CMSS1: variants seen among roughly 807,000 people sequenced by gnomAD.
CMSS1 encodes the protein cms1 ribosomal small subunit homolog.
A neutral mutation model predicts 43.5 loss-of-function variants in CMSS1; 33 were observed. The ratio of observed to expected loss-of-function variants is 0.76; its 90% confidence interval spans 0.57 to 1.01. The LOEUF (loss-of-function observed/expected upper bound fraction) is 1.01. Among genes scored for constraint, CMSS1 ranks in the 50% least tolerant of loss-of-function variants. CMSS1 has a pLI of 0.00. For synonymous variants in CMSS1, 115 were observed against 117.2 expected (o/e 0.98, Z 0.12); for missense variants, 313 against 326.4 (o/e 0.96, Z 0.32).
chr3:99,885,923 A>G (rs570229195), intron 1 of CMSS1, among the ~76,000 whole-genome samples: 1 of 152,392 alleles, frequency 6.6e-6, no homozygotes, highest in South Asian at 2.1e-4. Context: ...GTATCTTTTC[A>G]GCGAGTCATG....
chr3:100,099,526 G>T (rs368404237), intron 1 of CMSS1, among the ~76,000 whole-genome samples: 1 of 152,032 alleles, frequency 6.6e-6, no homozygotes, highest in Non-Finnish European at 1.5e-5. Flanking sequence ...TATTTGTATC[G>T]GTCTAATTAT....
chr3:99,986,271 C>T (rs1709339626), intron 1 of CMSS1, among the ~76,000 whole-genome samples: 2 of 152,066 alleles, frequency 1.3e-5, no homozygotes, highest in South Asian at 4.1e-4. Flanking sequence ...TGGGATATGT[C>T]CCAGGAACAG....
chr3:99,991,836 A>G (rs112565081), intron 1 of CMSS1, among the ~76,000 whole-genome samples: 4,966 of 143,434 alleles, frequency 0.035, 270 homozygotes, highest in African/African-American at 0.12. Flanking sequence ...ATATATATAT[A>G]TGTGTGTGTG....
intron 1 of CMSS1, among the ~76,000 whole-genome samples, chr3:99,966,348 C>A (rs951828093): frequency 6.6e-6 from 1 of 152,098 alleles, no homozygotes; most frequent in Non-Finnish European, 1.5e-5. Flanking sequence ...TCTTTCATAG[C>A]CCCACTGCTC....
At chr3:99,855,284 C>T (rs961983841) in intron 1 of CMSS1, among the ~76,000 whole-genome samples, 4 of 152,086 alleles carry the variant, frequency 2.6e-5, no homozygotes, top group Admixed American at 6.6e-5. Context: ...AAATGCATAC[C>T]ATAGTTGGTG....
chr3:100,160,594 C>G, intron 3 of CMSS1, 93 bp downstream of exon 3: 1 of 649,122 alleles, frequency 1.5e-6, no homozygotes, highest in African/African-American at 1.8e-5. Flanking sequence ...TATTGTAATC[C>G]CCACCTAAGA....
chr3:99,913,701 T>C (rs771325635), intron 1 of CMSS1, among the ~76,000 whole-genome samples: 2 of 152,212 alleles, frequency 1.3e-5, no homozygotes, highest in African/African-American at 2.4e-5. Context: ...TGGATTATCT[T>C]TGAGGAGTAG....
At chr3:99,862,045 G>A (rs990566154) in intron 1 of CMSS1, among the ~76,000 whole-genome samples, 3 of 152,202 alleles carry the variant, frequency 2.0e-5, no homozygotes, top group Non-Finnish European at 4.4e-5. Flanking sequence ...CTCATTAGAA[G>A]TAGGATGGTG....
rs199807411 is a variant in CMSS1 at position 100,162,329 on chromosome 3, A to T, written c.252A>T (p.Lys84Asn). The change falls in exon 4 of 10, where the codon AAA (lysine) becomes AAT (asparagine). Residue 84 changes from lysine to asparagine, a missense_variant. Coordinates refer to ENST00000421999, the MANE Select transcript of CMSS1 (RefSeq NM_032359.4). Reference sequence around the variant, plus strand: ...AGAAAATTACTGATGTTCTTGCAAAATCAGAACCAAAACCAGGGTTACCTG... The same window carrying T: ...AGAAAATTACTGATGTTCTTGCAAATTCAGAACCAAAACCAGGGTTACCTG... ...RKKKITDVLA[K>N]SEPKPGLPED... is the part of the protein sequence containing the mutation. 1.1e-4 allele frequency: 178 copies of T among 1,612,168 alleles called. 2 individuals carry two copies. The highest frequency in any genetic ancestry group is 1.3e-4 in the Non-Finnish European group (155 of 1,179,186).
In CMSS1 at chr3:100,060,077, A is replaced by G. The variant is rs147108316; in HGVS notation, c.65-86896A>G. Among the ~76,000 whole-genome samples, 1,096 of 152,218 alleles carry G rather than the reference A, an allele frequency of 7.2e-3. 4 individuals carry two copies. Among genetic ancestry groups the G allele is most frequent in the African/African-American group, 0.01 (416 of 41,532 alleles). On this transcript the variant is annotated intron_variant, in intron 1 of 9. Coordinates refer to ENST00000421999, the MANE Select transcript of CMSS1 (RefSeq NM_032359.4). ...GGCGGGGGGAAGATGGGCTCCAGGT[A>G]CATGTGCCCTCAGCTGTGCCGGGTA...
intron 1 of CMSS1, among the ~76,000 whole-genome samples, chr3:99,944,005 A>G (rs576300024): frequency 6.6e-6 from 1 of 152,316 alleles, no homozygotes; most frequent in Non-Finnish European, 1.5e-5. Context: ...AGCTTATCCT[A>G]ATGGAGATGT....
intron 1 of CMSS1, among the ~76,000 whole-genome samples, chr3:99,985,401 G>T (rs2107740695): frequency 6.6e-6 from 1 of 152,090 alleles, no homozygotes; most frequent in African/African-American, 2.4e-5. Context: ...GCATGGTGGT[G>T]CACGCCTGTG....
rs550436881 is a variant in CMSS1, at chr3:99,970,020, A to T, written c.64+151977A>T. ...TGGTTTAGAAGCATTATAAAAAGGA[A>T]TAATCAGTTAGGCATTGGCTTAAAA... is the stretch of plus-strand genomic sequence containing the variant. On this transcript the variant is annotated intron_variant, in intron 1 of 9. Transcript: ENST00000421999. Among the ~76,000 whole-genome samples, 6 of 152,362 alleles carry T rather than the reference A, an allele frequency of 3.9e-5. No individual in the cohort carries two copies. In the East Asian group the frequency reaches 1.2e-3, roughly 29 times the overall value.
At chr3:99,892,792 C>T (rs894454218) in intron 1 of CMSS1, among the ~76,000 whole-genome samples, 6 of 152,202 alleles carry the variant, frequency 3.9e-5, no homozygotes, top group African/African-American at 1.2e-4. Context: ...AAGAGAATGA[C>T]ATAACTAGCT....
chr3:100,146,952 T>A, intron 1 of CMSS1, 21 bp from the exon 2 acceptor site: 14 of 1,610,356 alleles, frequency 8.7e-6, no homozygotes, highest in Non-Finnish European at 1.2e-5. Context: ...TTTTCTGATT[T>A]TCAAACTTTA....
At chr3:100,073,899 T>C (rs1454343057) in intron 1 of CMSS1, among the ~76,000 whole-genome samples, 2 of 152,184 alleles carry the variant, frequency 1.3e-5, no homozygotes, top group African/African-American at 2.4e-5. Flanking sequence ...CTTTCTTCCC[T>C]TTGATTGCCC....
At chr3:100,107,701 A>C (rs2066417395) in intron 1 of CMSS1, among the ~76,000 whole-genome samples, 1 of 152,082 alleles carries the variant, frequency 6.6e-6, no homozygotes, top group Non-Finnish European at 1.5e-5. Flanking sequence ...GTATTACATA[A>C]ATAATTACTG....
chr3:100,049,906 T>TG (rs966145509), intron 1 of CMSS1, among the ~76,000 whole-genome samples: 5 of 152,144 alleles, frequency 3.3e-5, no homozygotes, highest in African/African-American at 1.2e-4. Context: ...TAGTTAAGTT[T>TG]GGGGGGAGTC....
At chr3:99,938,052 T>A (rs1400098275) in intron 1 of CMSS1, among the ~76,000 whole-genome samples, 4 of 119,134 alleles carry the variant, frequency 3.4e-5, no homozygotes, top group Non-Finnish European at 5.3e-5. Flanking sequence ...GCTCAGGAAG[T>A]GTGTGTGTGT....
Sources: gnomAD v4.1 joint callset for allele counts (sites outside exome capture counted in the v4.1 genomes callset) on GRCh38, gnomAD v4.1.1 for gene constraint, MANE v1.5 for transcripts, NCBI Gene and HGNC (gene_info 2026-07-23, HGNC 2026-07-21) for gene names.